The following SOX6 variants were observed in gnomAD, a reference collection of about 807,000 sequenced individuals.
SOX6 encodes transcription factor SOX-6.
In SOX6, 11 loss-of-function variants were observed where a neutral mutation model predicts 97.8. That is an observed-to-expected ratio of 0.11 (90% CI 0.07 to 0.19). The LOEUF (loss-of-function observed/expected upper bound fraction) is 0.19. SOX6 is among the 10% of genes least tolerant of loss of function. The probability of loss-of-function intolerance (pLI) is 1.00; values close to 1 mark genes in which losing one functional copy is unlikely to be tolerated. For missense variants in SOX6, 810 were observed against 1,039.5 expected (o/e 0.78, Z 3.04); for synonymous variants, 360 against 371.4 (o/e 0.97, Z 0.35).
chr11:16,728,644 GA>G (rs1464565099), intron 2 of SOX6, among the ~76,000 whole-genome samples: 1 of 152,144 alleles, frequency 6.6e-6, no homozygotes, highest in Admixed American at 6.5e-5. Context: ...CAAAAATGCT[GA>G]AAATTCCAAA....
At chr11:16,345,675 T>C (rs1035856581) in intron 1 of SOX6, among the ~76,000 whole-genome samples, 6 of 152,108 alleles carry the variant, frequency 3.9e-5, no homozygotes, top group Admixed American at 1.3e-4. Context: ...GAATGCTGGA[T>C]ATGTGCACAT....
intron 3 of SOX6, among the ~76,000 whole-genome samples, chr11:16,707,469 C>A (rs1418559863): frequency 1.3e-5 from 2 of 151,786 alleles, no homozygotes; most frequent in Non-Finnish European, 2.9e-5. Context: ...GTTTTGAATT[C>A]TTTTTCTCTG....
intron 3 of SOX6, among the ~76,000 whole-genome samples, chr11:16,703,276 T>A (rs1484602216): frequency 6.6e-6 from 1 of 152,154 alleles, no homozygotes; most frequent in Admixed American, 6.5e-5. Flanking sequence ...AAATTACACT[T>A]GTAAACTGGT....
intron 1 of SOX6, among the ~76,000 whole-genome samples, chr11:16,368,956 C>T (rs1206714812): frequency 6.6e-6 from 1 of 152,094 alleles, no homozygotes; most frequent in East Asian, 1.9e-4. Flanking sequence ...TGTATATAGG[C>T]CAGGTGCTGT....
rs190660775 is a variant in SOX6 at position 16,141,140 on chromosome 11, A to T, written c.778-29217T>A. Among the ~76,000 whole-genome samples, 229 of 152,236 alleles carry T rather than the reference A, an allele frequency of 1.5e-3. 2 individuals are homozygous for T. Among genetic ancestry groups the T allele is most frequent in the African/African-American group, 5.4e-3 (223 of 41,556 alleles). On this transcript the variant is annotated intron_variant, in intron 6 of 15. Transcript: ENST00000683767. ...AAAAAAAAAAAATCTCTTCATGCTC[A>T]TGCTCAGTATATATGAGTGGTGAAA...
intron 9 of SOX6, among the ~76,000 whole-genome samples, chr11:16,075,974 C>T (rs201599647): frequency 6.6e-6 from 1 of 152,078 alleles, no homozygotes; most frequent in East Asian, 1.9e-4. Flanking sequence ...CACTGGGTCC[C>T]TCCCATGACA....
intron 3 of SOX6, among the ~76,000 whole-genome samples, chr11:16,632,678 A>G (rs1306515985): frequency 6.6e-6 from 1 of 152,208 alleles, no homozygotes; most frequent in Non-Finnish European, 1.5e-5. Context: ...AAGCACTCAG[A>G]CGTCTGCCTA....
At chr11:16,587,028 T>C (rs1255065501) in intron 4 of SOX6, among the ~76,000 whole-genome samples, 1 of 152,206 alleles carries the variant, frequency 6.6e-6, no homozygotes, top group Non-Finnish European at 1.5e-5. Flanking sequence ...CACCATGCCA[T>C]GCAAAGCAAG....
intron 4 of SOX6, among the ~76,000 whole-genome samples, chr11:16,529,888 A>G (rs1226052691): frequency 6.6e-6 from 1 of 152,068 alleles, no homozygotes; most frequent in Non-Finnish European, 1.5e-5. Flanking sequence ...ACATCAAAAT[A>G]AATTTATGAC....
chr11:16,358,302 G>A (rs1357576142), upstream of SOX6, among the ~76,000 whole-genome samples: 2 of 152,010 alleles, frequency 1.3e-5, no homozygotes, highest in African/African-American at 4.8e-5. Flanking sequence ...TGCCATCAAC[G>A]ACTTTCAAAA....
At chr11:16,368,913 A>C (rs1857430217) in intron 1 of SOX6, among the ~76,000 whole-genome samples, 1 of 152,174 alleles carries the variant, frequency 6.6e-6, no homozygotes, top group South Asian at 2.1e-4. Context: ...TTCAACAATG[A>C]GCAAAAATTT....
intron 4 of SOX6, among the ~76,000 whole-genome samples, chr11:16,550,322 T>TG (rs1301309431): frequency 6.6e-6 from 1 of 151,692 alleles, no homozygotes; most frequent in East Asian, 1.9e-4. Context: ...GTCTTGGGGT[T>TG]GGGGGAAGGG....
At chr11:16,075,909 C>A (rs190789620) in intron 9 of SOX6, among the ~76,000 whole-genome samples, 84 of 152,216 alleles carry the variant, frequency 5.5e-4, no homozygotes, top group Admixed American at 1.4e-3. Context: ...GAGACTTATT[C>A]ACTTCCTGTG....
chr11:16,636,452 T>C lies in SOX6; in HGVS notation n.430-24192A>G, dbSNP rs11024002. Among the ~76,000 whole-genome samples the C allele has an allele frequency of 2.0e-4, 30 of 152,342 alleles. No individual in the cohort carries two copies. In the East Asian group the frequency reaches 4.8e-3, roughly 24 times the overall value. Reference sequence around the variant, plus strand: ...CATCTAGGAAGTAAGTAACTTGCTTTTGATTTTACAGGCTCATAGGTAGAA... The same window carrying C: ...CATCTAGGAAGTAAGTAACTTGCTTCTGATTTTACAGGCTCATAGGTAGAA... On this transcript the variant is annotated intron_variant and non_coding_transcript_variant, in intron 3 of 5. Transcript: ENST00000524520.
chr11:16,208,765 G>T (rs1448530759), intron 4 of SOX6, among the ~76,000 whole-genome samples: 1 of 152,092 alleles, frequency 6.6e-6, no homozygotes, highest in Non-Finnish European at 1.5e-5. Context: ...ATAACTCAGA[G>T]ATATAACATC....
At chr11:16,111,771 T>C in intron 7 of SOX6, 32 bp downstream of exon 7, 1 of 1,612,438 alleles carries the variant, frequency 6.2e-7, no homozygotes. Context: ...TCTGAGCATT[T>C]GGAAAAGAAT....
At chr11:16,161,576 C>T (rs1021383979) in intron 6 of SOX6, among the ~76,000 whole-genome samples, 2 of 152,084 alleles carry the variant, frequency 1.3e-5, no homozygotes, top group African/African-American at 4.8e-5. Flanking sequence ...TCTGAACAGA[C>T]AAAAGCAGGA....
intron 5 of SOX6, among the ~76,000 whole-genome samples, chr11:16,185,654 G>A (rs1299196494): frequency 6.6e-6 from 1 of 152,142 alleles, no homozygotes; most frequent in Non-Finnish European, 1.5e-5. Flanking sequence ...ATTACAAAGT[G>A]TTCACTGTAA....
intron 4 of SOX6, among the ~76,000 whole-genome samples, chr11:16,520,392 G>T (rs1861040004): frequency 6.6e-6 from 1 of 152,140 alleles, no homozygotes; most frequent in Non-Finnish European, 1.5e-5. Flanking sequence ...AGATACAGGG[G>T]TTGTTTCTAT....
Sources: allele counts gnomAD v4.1 joint callset (sites outside exome capture counted in the v4.1 genomes callset), GRCh38; gene constraint gnomAD v4.1.1; transcripts MANE v1.5; gene names NCBI Gene and HGNC (gene_info 2026-07-23, HGNC 2026-07-21).